Variants in ABCA1 observed in about 807,000 individuals in gnomAD.
ABCA1 encodes the protein ATP binding cassette subfamily A member 1.
In ABCA1, 133 loss-of-function variants were observed where a neutral mutation model predicts 262.5. The ratio of observed to expected loss-of-function variants is 0.51; its 90% CI spans 0.44 to 0.59. ABCA1 has a LOEUF of 0.59. ABCA1 is among the 20% of genes least tolerant of loss of function. The pLI, the probability that ABCA1 is intolerant of heterozygous loss-of-function variation, is 0.00. For synonymous variants in ABCA1, 1,022 were observed against 1,043.5 expected, an observed-to-expected ratio of 0.98 and a Z score of 0.40; for missense variants, 2,452 against 2,777.5, an observed-to-expected ratio of 0.88 and a Z score of 2.63.
intron 7 of ABCA1, among the ~76,000 whole-genome samples, chr9:104,852,576 G>A (rs768135324): frequency 6.6e-6 from 1 of 152,158 alleles, no homozygotes; most frequent in Non-Finnish European, 1.5e-5. Flanking sequence ...AGGTGAAAAT[G>A]TCTGTGTAAA....
chr9:104,801,054 A>G (rs1830288440), intron 34 of ABCA1, among the ~76,000 whole-genome samples: 1 of 151,586 alleles, frequency 6.6e-6, no homozygotes, highest in South Asian at 2.1e-4. Flanking sequence ...AAAAATGGGA[A>G]ACCTGAGACA....
At position 104,825,764 on chromosome 9, in the gene ABCA1, G is replaced by A. The variant is rs1191277071; in HGVS notation, c.2461C>T (p.Leu821Phe). Residue 821 changes from leucine (L) to phenylalanine (F), a missense_variant, in exon 17 of 50, where the codon CTC (leucine) becomes TTC (phenylalanine). Physicochemically the swap from Leu to Phe is conservative, Grantham distance 22. Transcript: ENST00000374736. ...AGCATCATGGAGACCGAAGTGGTGA[G>A]ATTGAAGCCATCTTCCTCCACAGGA... The part of the protein sequence containing the change: ...ESPVEEDGFN[L>F]TTSVSMMLFD... 1 of 1,614,220 alleles carries A rather than the reference G, an allele frequency of 6.2e-7. No individual in the cohort carries two copies. Among genetic ancestry groups the A allele is most frequent in the Admixed American group, 1.7e-5 (1 of 60,024 alleles).
At chr9:104,842,199 G>T (rs1242804055) in intron 8 of ABCA1, among the ~76,000 whole-genome samples, 1 of 152,188 alleles carries the variant, frequency 6.6e-6, no homozygotes, top group Admixed American at 6.5e-5. Context: ...TCTCCAGAGA[G>T]GGGGCATCTA....
intron 31 of ABCA1, 58 bp downstream of exon 31, chr9:104,806,183 G>A: frequency 6.5e-7 from 1 of 1,545,238 alleles, no homozygotes; most frequent in Non-Finnish European, 8.9e-7. Context: ...CTTCCAAGCG[G>A]AAGCTACCAG....
chr9:104,810,664 G>C, intron 29 of ABCA1, 136 bp downstream of exon 29: 1 of 1,373,768 alleles, frequency 7.3e-7, no homozygotes, highest in South Asian at 1.2e-5. Context: ...TGCAGTATTA[G>C]CTTATACAGG....
At chr9:104,788,703 A>G in intron 44 of ABCA1, 136 bp from the exon 45 acceptor site, 1 of 1,157,096 alleles carries the variant, frequency 8.6e-7, no homozygotes, top group Non-Finnish European at 1.3e-6. Flanking sequence ...TTGAAAGCAC[A>G]GCCTTTCTGC....
At chr9:104,862,642 G>C (rs189151148) in intron 5 of ABCA1, among the ~76,000 whole-genome samples, 1,352 of 3,362 alleles carry the variant, frequency 0.4, 210 homozygotes, top group Middle Eastern at 1. Context: ...GCCGGGCCGG[G>C]CCGGGCCGGG....
At chr9:104,906,749 TCAA>T (rs1441336886) in intron 1 of ABCA1, among the ~76,000 whole-genome samples, 6 of 67,938 alleles carry the variant, frequency 8.8e-5, no homozygotes, top group African/African-American at 3.3e-4. Context: ...CAAACCAAAA[TCAA>T]AAAAAAAAAA....
intron 37 of ABCA1, among the ~76,000 whole-genome samples, chr9:104,797,439 G>A (rs544456618): frequency 6.6e-5 from 10 of 152,266 alleles, no homozygotes; most frequent in African/African-American, 1.2e-4. Context: ...CCAGTAAGAC[G>A]GTGCTCCTTC....
rs747262706 is a variant in ABCA1 at position 104,799,953 on chromosome 9, G to A, written c.4809C>T (p.Ser1603=). ...CATTGTTGATGACATTCAGGAAAGA[G>A]CTGATTGCATGCCAGCCCTTGTTAT... ...WFNNKGWHAI[S]SFLNVINNAI... Residue 1603 remains serine, a synonymous_variant, in exon 36 of 50, where the codon AGC becomes AGT. Transcript: ENST00000374736. The A allele has an allele frequency of 1.9e-6, 3 of 1,614,178 alleles. No homozygotes were observed. Among genetic ancestry groups the A allele is most frequent in the South Asian group, 1.1e-5 (1 of 91,084 alleles).
intron 1 of ABCA1, among the ~76,000 whole-genome samples, chr9:104,921,096 A>AG (rs5899625): frequency 0.9 from 136,511 of 152,156 alleles, 61,462 homozygotes; most frequent in African/African-American, 0.92. Flanking sequence ...TTACTTATTT[A>AG]GAAGAACTAA....
At position 104,798,503 on chromosome 9, in the gene ABCA1, C is replaced by T. The variant is rs150125857; in HGVS notation, c.5039G>A (p.Arg1680Gln). ...ASFVVFLIQE[R>Q]VSKAKHLQFI... Reference sequence around the variant, plus strand: ...CTGCAGGTGTTTTGCTTTGCTGACCCGCTCCTGGATCAGGAATACGACAAA... The same window carrying T: ...CTGCAGGTGTTTTGCTTTGCTGACCTGCTCCTGGATCAGGAATACGACAAA... The change falls in exon 37 of 50, where the codon CGG becomes CAG. Residue 1680 changes from arginine to glutamine, a missense_variant. Arg to Gln is a conservative substitution (Grantham distance 43). Coordinates refer to ENST00000374736, the MANE Select transcript of ABCA1 (RefSeq NM_005502.4). 5.2e-4 allele frequency: 836 copies of T among 1,614,110 alleles called. No individual in the cohort carries two copies. Among genetic ancestry groups the T allele is most frequent in the Non-Finnish European group, 6.3e-4 (738 of 1,180,012 alleles).
chr9:104,860,053 C>CAAAAAAAA (rs200596186), intron 6 of ABCA1, among the ~76,000 whole-genome samples: 3 of 62,718 alleles, frequency 4.8e-5, no homozygotes, highest in Non-Finnish European at 7.7e-5. Context: ...GACTCCAACT[C>CAAAAAAAA]AAAAAAAAAA....
intron 5 of ABCA1, among the ~76,000 whole-genome samples, chr9:104,874,305 G>T (rs1255516359): frequency 7.0e-6 from 1 of 142,854 alleles, no homozygotes; most frequent in Non-Finnish European, 1.6e-5. Flanking sequence ...GGAGGCCAAC[G>T]CACCTGAAGT....
At chr9:104,849,948 A>G (rs1339386930) in intron 7 of ABCA1, among the ~76,000 whole-genome samples, 2 of 152,232 alleles carry the variant, frequency 1.3e-5, no homozygotes, top group Non-Finnish European at 2.9e-5. Context: ...CATAGAATGT[A>G]AGTATACATG....
intron 16 of ABCA1, 138 bp from the exon 17 acceptor site, chr9:104,826,025 A>G (rs1695396314): frequency 1.2e-6 from 1 of 857,724 alleles, no homozygotes. Context: ...GTATTTACCT[A>G]TAGAGTCCCT....
intron 31 of ABCA1, 88 bp downstream of exon 31, chr9:104,806,153 T>A (rs1179194005): frequency 2.2e-6 from 3 of 1,340,896 alleles, no homozygotes; most frequent in Non-Finnish European, 3.1e-6. Flanking sequence ...CCTCCCAACA[T>A]GATATCTCAC....
At chr9:104,888,111 G>A (rs143292742) in intron 3 of ABCA1, among the ~76,000 whole-genome samples, 4 of 151,050 alleles carry the variant, frequency 2.6e-5, no homozygotes, top group East Asian at 1.9e-4. Flanking sequence ...TATGTGTGAT[G>A]TGCATTAGAA....
chr9:104,893,355 G>A (rs3900832), intron 2 of ABCA1, among the ~76,000 whole-genome samples: 5 of 138,340 alleles, frequency 3.6e-5, no homozygotes, highest in Non-Finnish European at 4.6e-5. Flanking sequence ...CCAGGAGACA[G>A]AGGTTGGGGT....
Sources: allele counts gnomAD v4.1 joint callset (sites outside exome capture counted in the v4.1 genomes callset), GRCh38; gene constraint gnomAD v4.1.1; transcripts MANE v1.5; gene names NCBI Gene and HGNC (gene_info 2026-07-23, HGNC 2026-07-21).